The following ADAMTSL4 variants were observed in gnomAD, a reference collection of about 807,000 sequenced individuals.
ADAMTSL4 encodes ADAMTS-like protein 4.
In ADAMTSL4, 97 loss-of-function variants were observed where a neutral mutation model predicts 122.8. The ratio of observed to expected loss-of-function variants is 0.79; its 90% CI spans 0.67 to 0.93. The LOEUF (loss-of-function observed/expected upper bound fraction) is 0.93, where lower values mean the gene tolerates loss of function less well. Ranked by LOEUF, ADAMTSL4 falls within the 40% of genes least tolerant of loss-of-function variation. ADAMTSL4 has a pLI of 0.00. For synonymous variants in ADAMTSL4, 592 were observed against 568.0 expected (o/e 1.04, Z -0.60); for missense variants, 1,408 against 1,453.5 (o/e 0.97, Z 0.51).
intron 13 of ADAMTSL4, 87 bp downstream of exon 13, chr1:150,557,710 C>T (rs587652365): frequency 6.2e-5 from 89 of 1,446,846 alleles, no homozygotes; most frequent in East Asian, 4.4e-4. Flanking sequence ...CTGCACTCAA[C>T]GCAACATCTC....
chr1:150,558,290 TAAGGGACTGAAC>T, intron 14 of ADAMTSL4, 141 bp downstream of exon 14: 1 of 1,519,962 alleles, frequency 6.6e-7, no homozygotes, highest in South Asian at 1.2e-5. Context: ...AGAAGTCAGA[TAAGGGACTGAAC>T]CAGGGACTGG....
At chr1:150,555,115 G>A (rs889662689) in intron 7 of ADAMTSL4, among the ~76,000 whole-genome samples, 3 of 151,288 alleles carry the variant, frequency 2.0e-5, no homozygotes, top group African/African-American at 4.9e-5. Context: ...TCAGCCTCCC[G>A]AGTAGCTGGG....
rs1671726532 is a variant in ADAMTSL4 at position 150,553,972 on chromosome 1, C to A, written c.981C>A (p.Arg327=). ...CGGGGGGGACTCCTCACGGGCCCCGCCTGGAGCCTGACCCTCAGCACCCGG... is the reference window on the plus strand; with the variant it reads ...CGGGGGGGACTCCTCACGGGCCCCGACTGGAGCCTGACCCTCAGCACCCGG... ...WGTGGTPHGP[R]LEPDPQHPGA... is the part of the protein sequence containing the mutation. The change falls in exon 6 of 19, where the codon CGC becomes CGA. Residue 327 remains arginine, a synonymous_variant. Coordinates refer to ENST00000271643, the MANE Select transcript of ADAMTSL4 (RefSeq NM_019032.6). 1.9e-6 allele frequency: 3 copies of A among 1,611,018 alleles called. No individual in the cohort carries two copies. Among genetic ancestry groups the A allele is most frequent in the Non-Finnish European group, 2.5e-6 (3 of 1,179,150 alleles).
At position 150,556,513 on chromosome 1, in the gene ADAMTSL4, G is replaced by T. The variant is rs1016266090; in HGVS notation, c.1577-108G>T. On this transcript the variant is annotated intron_variant, in intron 9 of 18. Transcript: ENST00000271643. This position sits in a 1 kb window ranked among gnomAD's most constrained non-coding sequence, Gnocchi z 4.1. ...GGAGTGAGGAAGCTGAGAGGGCTTG[G>T]GGGGATCTTAGGTTCTGGTGGGAGC... 1.3e-6 allele frequency: 2 copies of T among 1,576,866 alleles called. No individual in the cohort carries two copies. The highest frequency in any genetic ancestry group is 1.7e-6 in the Non-Finnish European group (2 of 1,149,296).
Position 150,552,477 on chromosome 1 carries a change from A to G in ADAMTSL4, c.21-66A>G, listed in dbSNP as rs1570920676. 1 of 1,605,306 alleles carries G rather than the reference A, an allele frequency of 6.2e-7. No homozygotes were observed. The highest frequency in any genetic ancestry group is 8.5e-7 in the Non-Finnish European group (1 of 1,172,280). The stretch of plus-strand genomic sequence containing the variant: ...GGATATGGGAGCCGGCTGGGGGCGG[A>G]GGGCAGTGTTGCAACACCCCCTCTG... On this transcript the variant is annotated intron_variant, in intron 3 of 18. Coordinates refer to ENST00000271643, the MANE Select transcript of ADAMTSL4 (RefSeq NM_019032.6). The surrounding 1 kb of genome is among the most constrained non-coding windows in gnomAD (Gnocchi z 4.0).
In ADAMTSL4 at chr1:150,556,413, C is replaced by T; in HGVS notation, c.1576+47C>T. 10 of 1,608,382 alleles carry T rather than the reference C, an allele frequency of 6.2e-6. No individual in the cohort carries two copies. Among genetic ancestry groups the T allele is most frequent in the Non-Finnish European group, 7.6e-6 (9 of 1,176,686 alleles). On this transcript the variant is annotated intron_variant, in intron 9 of 18. Coordinates refer to ENST00000271643, the MANE Select transcript of ADAMTSL4 (RefSeq NM_019032.6). The surrounding 1 kb of genome is among the most constrained non-coding windows in gnomAD (Gnocchi z 4.1). ...CTTCCACTTCCGTCTCTGTTCGGCC[C>T]TCCATACCCCTACTCAGAGCAGTGA...
In ADAMTSL4 at chr1:150,555,471, G is replaced by A. The variant is rs1181206964; in HGVS notation, c.1277G>A (p.Gly426Asp). The A allele has an allele frequency of 2.5e-6, 4 of 1,614,176 alleles. No individual in the cohort carries two copies. The highest frequency in any genetic ancestry group is 3.4e-6 in the Non-Finnish European group (4 of 1,180,022). ...QRCELNCRPR[G>D]FRFYVRHTEK... ...TGTGAACTGAACTGCCGGCCCCGTG[G>A]CTTCCGCTTCTATGTCCGTCACACT... Residue 426 changes from glycine (G) to aspartate (D), a missense_variant, in exon 8 of 19, where the codon GGC becomes GAC. Physicochemically the swap from Gly to Asp is moderately conservative, Grantham distance 94 (BLOSUM62 -1). Coordinates refer to ENST00000271643, the MANE Select transcript of ADAMTSL4 (RefSeq NM_019032.6).
Position 150,556,757 on chromosome 1 carries a change from G to A in ADAMTSL4, c.1713G>A (p.Ser571=), listed in dbSNP as rs755041305. The part of the protein sequence containing the change: ...PREEGKGESL[S]AEGPTTQPVD... ...AGGAGGGCAAAGGGGAGAGTCTGTC[G>A]GCTGAAGGCCCCACCACCCAGCCTG... The change falls in exon 10 of 19, where the codon TCG becomes TCA. Residue 571 remains serine, a synonymous_variant. Coordinates refer to ENST00000271643, the MANE Select transcript of ADAMTSL4 (RefSeq NM_019032.6). This position sits in a 1 kb window ranked among gnomAD's most constrained non-coding sequence, Gnocchi z 4.1. 207 of 1,613,358 alleles carry A rather than the reference G, an allele frequency of 1.3e-4. No individual in the cohort carries two copies. Among genetic ancestry groups the A allele is most frequent in the Non-Finnish European group, 1.7e-4 (197 of 1,179,600 alleles).
chr1:150,555,921 A>C (rs1197097253), intron 8 of ADAMTSL4: 1 of 612,110 alleles, frequency 1.6e-6, no homozygotes, highest in Non-Finnish European at 2.9e-6. Context: ...ACAACAAAAC[A>C]CCATACTGAG....
rs1316130546 is a variant in ADAMTSL4 at position 150,553,694 on chromosome 1, A to T, written c.703A>T (p.Thr235Ser). 6.2e-7 allele frequency: 1 copy of T among 1,606,646 alleles called. No homozygotes were observed. The highest frequency in any genetic ancestry group is 2.3e-5 in the East Asian group (1 of 43,800). Residue 235 changes from threonine to serine, a missense_variant, in exon 6 of 19, where the codon ACT becomes TCT. Physicochemically the swap from Thr to Ser is moderately conservative, Grantham distance 58. Coordinates refer to ENST00000271643, the MANE Select transcript of ADAMTSL4 (RefSeq NM_019032.6). ...SPQAEPLSPE[T>S]AQTEVAPRTR... ...CCAAGCAGAACCTCTAAGCCCTGAA[A>T]CTGCTCAGACAGAGGTGGCCCCCAG...
rs1300881463 is a variant in ADAMTSL4, at chr1:150,549,986, T to G, written c.-85+91T>G. The G allele has an allele frequency of 2.8e-5, 6 of 210,586 alleles. No homozygotes were observed. Among genetic ancestry groups the G allele is most frequent in the East Asian group, 2.5e-4 (2 of 8,088 alleles). 13.0% of individuals were successfully genotyped at this position (210,586 alleles called of 1,614,324 possible). Reference sequence around the variant, plus strand: ...TGGGGTGGCCTGCCAGACCCAGGAGTGGAGGGCTCTGAGGGCCCGGGAATT... The same window carrying G: ...TGGGGTGGCCTGCCAGACCCAGGAGGGGAGGGCTCTGAGGGCCCGGGAATT... On this transcript the variant is annotated intron_variant, in intron 2 of 18. Transcript: ENST00000271643. This position sits in a 1 kb window ranked among gnomAD's most constrained non-coding sequence, Gnocchi z 5.0.
In ADAMTSL4 at chr1:150,556,163, G is replaced by A; in HGVS notation, c.1373G>A (p.Ser458Asn). 1 of 1,614,030 alleles carries A rather than the reference G, an allele frequency of 6.2e-7. No homozygotes were observed. The highest frequency in any genetic ancestry group is 1.7e-5 in the Admixed American group (1 of 60,028). The change falls in exon 9 of 19, where the codon AGC (serine) becomes AAC (asparagine). Residue 458 changes from serine (S) to asparagine (N), a missense_variant and splice_region_variant. Coordinates refer to ENST00000271643, the MANE Select transcript of ADAMTSL4 (RefSeq NM_019032.6). The surrounding 1 kb of genome is among the most constrained non-coding windows in gnomAD (Gnocchi z 4.1). ...ACTGCCTCACCTCACTCTCTCCAGAGCCCCGGCTGTGATGGGATCCTTGGC... is the reference window on the plus strand; with the variant it reads ...ACTGCCTCACCTCACTCTCTCCAGAACCCCGGCTGTGATGGGATCCTTGGC... ...PDICVAGRCL[S>N]PGCDGILGSG...
chr1:150,559,435 A>G lies in ADAMTSL4; in HGVS notation c.2912A>G (p.Gln971Arg), dbSNP rs1570964345. The change falls in exon 17 of 19, where the codon CAG (glutamine) becomes CGG (arginine). Residue 971 changes from glutamine to arginine, a missense_variant. Physicochemically the swap from Gln to Arg is conservative, Grantham distance 43. Transcript: ENST00000271643. This position sits in a 1 kb window ranked among gnomAD's most constrained non-coding sequence, Gnocchi z 4.1. The part of the protein sequence containing the change: ...ALQPCQGQAC[Q>R]DRWFSTPWSP... The stretch of plus-strand genomic sequence containing the variant: ...CAGCCCTGTCAAGGGCAGGCCTGCC[A>G]GGACCGATGGTTTTCCACGCCCTGG... 11 of 1,613,470 alleles carry G rather than the reference A, an allele frequency of 6.8e-6. No individual in the cohort carries two copies. Among genetic ancestry groups the G allele is most frequent in the Non-Finnish European group, 9.3e-6 (11 of 1,179,968 alleles).
rs1417355063 is a variant in ADAMTSL4 at position 150,553,579 on chromosome 1, C to T, written c.588C>T (p.Ser196=). 6.2e-7 allele frequency: 1 copy of T among 1,613,878 alleles called. No individual in the cohort carries two copies. The highest frequency in any genetic ancestry group is 2.2e-5 in the East Asian group (1 of 44,848). The change falls in exon 6 of 19, where the codon TCC becomes TCT. Residue 196 remains serine, a synonymous_variant. Transcript: ENST00000271643. ...CTAGAGGGGAAGAGGCTATTCCGTC[C>T]CCTACTCCAAGAGCAGAGCCATTCT... The part of the protein sequence containing the change: ...ISSRGEEAIP[S]PTPRAEPFSA...
chr1:150,555,618 C>CACAT (rs2101609615), intron 8 of ADAMTSL4, 53 bp downstream of exon 8: 1 of 1,604,682 alleles, frequency 6.2e-7, no homozygotes, highest in Non-Finnish European at 8.5e-7. Flanking sequence ...CACACAGACA[C>CACAT]ATGCCCCCAT....
At chr1:150,558,866 G>C in intron 15 of ADAMTSL4, 96 bp from the exon 16 acceptor site, 1 of 1,538,774 alleles carries the variant, frequency 6.5e-7, no homozygotes, top group East Asian at 2.4e-5. Flanking sequence ...AACCACCCAG[G>C]ATTCGGACCC....
Position 150,558,029 on chromosome 1 carries a change from T to TG in ADAMTSL4, c.2270dup (p.Gly758TrpfsTer59), listed in dbSNP as rs747160538. On this transcript the variant is annotated frameshift_variant, in exon 14 of 19. Transcript: ENST00000271643. LOFTEE classifies it high-confidence loss of function. ...GCCAGCTGCAGTGCCGGCAGGAATT[T>TG]GGGGGGGGTGGCTCCTCGGTGCCCC... is the stretch of plus-strand genomic sequence containing the variant. 209 of 1,611,698 alleles carry TG rather than the reference T, an allele frequency of 1.3e-4. 1 individual carries two copies. Among genetic ancestry groups the TG allele is most frequent in the South Asian group, 4.6e-4 (42 of 91,036 alleles).
At chr1:150,555,741 ACG>A (rs1672009029) in intron 8 of ADAMTSL4, among the ~76,000 whole-genome samples, 176 bp downstream of exon 8, 1 of 151,468 alleles carries the variant, frequency 6.6e-6, no homozygotes, top group African/African-American at 2.4e-5. Flanking sequence ...ACGCACACAC[ACG>A]CATATGCACA....
In ADAMTSL4 at chr1:150,556,904, A is replaced by T. The variant is rs1560297203; in HGVS notation, c.1750-35A>T. ...GAGCTGGTGGCATCCTCTTCTGGCC[A>T]CCCCCACATATTCATTATCTTCTCT... is the stretch of plus-strand genomic sequence containing the variant. On this transcript the variant is annotated intron_variant, in intron 10 of 18. Coordinates refer to ENST00000271643, the MANE Select transcript of ADAMTSL4 (RefSeq NM_019032.6). The surrounding 1 kb of genome is among the most constrained non-coding windows in gnomAD (Gnocchi z 4.1). 6.2e-7 allele frequency: 1 copy of T among 1,609,990 alleles called. No individual in the cohort carries two copies. Among genetic ancestry groups the T allele is most frequent in the Admixed American group, 1.7e-5 (1 of 59,966 alleles).
Sources: allele counts gnomAD v4.1 joint callset (sites outside exome capture counted in the v4.1 genomes callset), GRCh38; gene constraint gnomAD v4.1.1; non-coding constraint Gnocchi (gnomAD v3.1); transcripts MANE v1.5; gene names NCBI Gene and HGNC (gene_info 2026-07-23, HGNC 2026-07-21).